DCDC1: variants seen among roughly 807,000 people sequenced by gnomAD.
DCDC1 encodes doublecortin domain containing 1, also known as doublecortin domain-containing protein 1.
Under a neutral mutation model 178.3 loss-of-function variants are expected in DCDC1, and 200 were observed. The ratio of observed to expected loss-of-function variants is 1.12; its 90% CI spans 1.00 to 1.26. The LOEUF (loss-of-function observed/expected upper bound fraction) is 1.26, where lower values mean the gene tolerates loss of function less well. Among genes scored for constraint, DCDC1 ranks in the 50% most tolerant of loss-of-function variants. The pLI, the probability that DCDC1 is intolerant of heterozygous loss-of-function variation, is 0.00. For synonymous variants in DCDC1, 690 were observed against 604.8 expected, an observed-to-expected ratio of 1.14 and a Z score of -2.07; for missense variants, 1,983 against 1,749.2, an observed-to-expected ratio of 1.13 and a Z score of -2.38.
intron 9 of DCDC1, among the ~76,000 whole-genome samples, chr11:31,138,238 C>G (rs1454443215): frequency 2.6e-5 from 4 of 152,152 alleles, no homozygotes; most frequent in Non-Finnish European, 5.9e-5. Context: ...TGCTAAATCA[C>G]TTATAATATT....
At chr11:30,915,406 C>T in intron 27 of DCDC1, 105 bp downstream of exon 27, 8 of 1,222,978 alleles carry the variant, frequency 6.5e-6, no homozygotes, top group Non-Finnish European at 9.2e-6. Flanking sequence ...AATAGAAGAC[C>T]CAGAATTCTC....
intron 8 of DCDC1, 132 bp downstream of exon 8, chr11:31,265,375 A>G (rs1945081486): frequency 7.6e-6 from 3 of 395,700 alleles, no homozygotes; most frequent in Non-Finnish European, 4.4e-6. Context: ...TCCTTTGTAT[A>G]AGAATATTTA....
At chr11:30,873,337 G>GTA (rs1331070687) in intron 38 of DCDC1, among the ~76,000 whole-genome samples, 69 of 138,308 alleles carry the variant, frequency 5.0e-4, no homozygotes, top group Middle Eastern at 7.1e-3. Flanking sequence ...AAATGTGTGT[G>GTA]TATATACATA....
chr11:30,919,509 T>C (rs921036587), intron 25 of DCDC1, among the ~76,000 whole-genome samples: 2 of 152,212 alleles, frequency 1.3e-5, no homozygotes, highest in African/African-American at 4.8e-5. Flanking sequence ...TCTTACTTTC[T>C]GTTTATTTTT....
At position 30,892,847 on chromosome 11, in the gene DCDC1, T is replaced by C; in HGVS notation, c.5053A>G (p.Thr1685Ala). ...GAAATAGTTTTGCCCCAGGCATAAG[T>C]GCCATCTTCAGGTCTGCCTCCATTT... ...YLNGGRPEDG[T>A]YAWGKTISEL... The change falls in exon 36 of 39, where the codon ACT (threonine) becomes GCT (alanine). Residue 1685 changes from threonine (T) to alanine (A), a missense_variant. Thr to Ala is a moderately conservative substitution (Grantham distance 58, BLOSUM62 0). Transcript: ENST00000684477. The C allele has an allele frequency of 6.2e-7, 1 of 1,613,930 alleles. No homozygotes were observed. Among genetic ancestry groups the C allele is most frequent in the East Asian group, 2.2e-5 (1 of 44,858 alleles).
intron 20 of DCDC1, among the ~76,000 whole-genome samples, chr11:31,022,178 C>T (rs772879085): frequency 4.6e-5 from 7 of 152,152 alleles, no homozygotes; most frequent in South Asian, 2.1e-4. Flanking sequence ...CCAAAATCAA[C>T]GTGCCAGCAA....
intron 9 of DCDC1, among the ~76,000 whole-genome samples, chr11:31,166,098 T>C (rs1445844827): frequency 6.6e-6 from 1 of 152,222 alleles, no homozygotes. Context: ...GCTATCAGTA[T>C]ATAAGTACAG....
At chr11:31,022,392 C>T (rs1407259) in intron 20 of DCDC1, among the ~76,000 whole-genome samples, 5 of 151,854 alleles carry the variant, frequency 3.3e-5, no homozygotes, top group South Asian at 2.1e-4. Context: ...GGACACCAGT[C>T]GTATTGGATG....
chr11:31,061,962 C>T (rs1383570023), intron 20 of DCDC1, among the ~76,000 whole-genome samples: 1 of 152,088 alleles, frequency 6.6e-6, no homozygotes, highest in African/African-American at 2.4e-5. Context: ...GATTGCATTG[C>T]CTCAGGGAAG....
intron 9 of DCDC1, among the ~76,000 whole-genome samples, chr11:31,195,750 G>T (rs1313911760): frequency 6.6e-6 from 1 of 151,792 alleles, no homozygotes; most frequent in East Asian, 1.9e-4. Flanking sequence ...CATAAAAGCT[G>T]GGACCATAAA....
rs1305722936 is a variant in DCDC1, at chr11:31,306,248, A to T, written c.575T>A (p.Val192Glu). Residue 192 changes from valine to glutamate, a missense_variant, in exon 5 of 39, where the codon GTA (valine) becomes GAA (glutamate). Transcript: ENST00000684477. ...ACTAGTTACCAAGGTGATGGTTGGT[A>T]CAGTAACTCTGGCAAAGACTGTTCT... is the stretch of plus-strand genomic sequence containing the variant. The part of the protein sequence containing the change: ...GSRTVFARVT[V>E]PTITLLLEEC... The T allele has an allele frequency of 6.3e-7, 1 of 1,589,766 alleles. No homozygotes were observed. The highest frequency in any genetic ancestry group is 1.7e-5 in the Admixed American group (1 of 57,564).
intron 9 of DCDC1, among the ~76,000 whole-genome samples, chr11:31,180,896 C>G (rs745329342): frequency 6.6e-6 from 1 of 151,894 alleles, no homozygotes; most frequent in Non-Finnish European, 1.5e-5. Flanking sequence ...GGAACTGAAG[C>G]CAGGGAGACA....
At chr11:31,019,084 G>A (rs1337947809) in intron 20 of DCDC1, among the ~76,000 whole-genome samples, 1 of 152,156 alleles carries the variant, frequency 6.6e-6, no homozygotes, top group Non-Finnish European at 1.5e-5. Context: ...GACGTGGCCA[G>A]CTGTTTTGTG....
chr11:31,026,368 T>C (rs1035804206), intron 20 of DCDC1, among the ~76,000 whole-genome samples: 7 of 151,820 alleles, frequency 4.6e-5, no homozygotes, highest in African/African-American at 7.2e-5. Flanking sequence ...GAGTCTAACA[T>C]AACAGAAATG....
chr11:31,229,586 C>T (rs574812140), intron 9 of DCDC1, among the ~76,000 whole-genome samples: 1 of 152,016 alleles, frequency 6.6e-6, no homozygotes, highest in South Asian at 2.1e-4. Flanking sequence ...AATAATCAGA[C>T]ATGAGACCCA....
At chr11:31,164,299 A>G (rs878956428) in intron 9 of DCDC1, among the ~76,000 whole-genome samples, 2 of 152,208 alleles carry the variant, frequency 1.3e-5, no homozygotes, top group African/African-American at 4.8e-5. Flanking sequence ...GATGAAAAAA[A>G]AGAAACGAAC....
chr11:30,889,444 A>C (rs273573), intron 36 of DCDC1, among the ~76,000 whole-genome samples: 104,056 of 152,044 alleles, frequency 0.68, 35,964 homozygotes, highest in Middle Eastern at 0.8. Flanking sequence ...TTGAAATGTG[A>C]TCTGTTTCTC....
intron 9 of DCDC1, among the ~76,000 whole-genome samples, chr11:31,172,446 C>T (rs1191907074): frequency 6.6e-6 from 1 of 152,010 alleles, no homozygotes; most frequent in African/African-American, 2.4e-5. Context: ...TATTTACTGA[C>T]ATCAATATAA....
intron 9 of DCDC1, among the ~76,000 whole-genome samples, chr11:31,140,254 A>AT (rs1963653970): frequency 6.6e-6 from 1 of 152,154 alleles, no homozygotes; most frequent in Admixed American, 6.6e-5. Flanking sequence ...TCTGAGGTTG[A>AT]TTTTTCATGT....
Sources: gnomAD v4.1 joint callset for allele counts (sites outside exome capture counted in the v4.1 genomes callset) on GRCh38, gnomAD v4.1.1 for gene constraint, MANE v1.5 for transcripts, NCBI Gene and HGNC (gene_info 2026-07-23, HGNC 2026-07-21) for gene names.